The following YES1 variants were observed in gnomAD, a reference collection of about 807,000 sequenced individuals.
YES1 encodes tyrosine-protein kinase Yes.
In YES1, 39 loss-of-function variants were observed where a neutral mutation model predicts 70.4. The observed-to-expected ratio is 0.55, with a 90% CI of 0.43 to 0.72. The LOEUF (loss-of-function observed/expected upper bound fraction) is 0.72. Ranked by LOEUF, YES1 falls within the 30% of genes least tolerant of loss-of-function variation. YES1 has a pLI of 0.00. For synonymous variants in YES1, 198 were observed against 218.6 expected (o/e 0.91, Z 0.83); for missense variants, 495 against 644.8 (o/e 0.77, Z 2.52).
In YES1 at chr18:722,699, CT is replaced by C. The variant is rs1281117256; in HGVS notation, c.*1724del. 1 of 152,140 alleles carries C rather than the reference CT, an allele frequency of 6.6e-6. No individual in the cohort carries two copies. Among genetic ancestry groups the C allele is most frequent in the African/African-American group, 2.4e-5 (1 of 41,416 alleles). 9.4% of individuals were successfully genotyped at this position (152,140 alleles called of 1,614,324 possible). A position where few individuals can be genotyped will look rare whatever the true frequency, so the allele number is the denominator to read the frequency against. On this transcript the variant is annotated 3_prime_UTR_variant, in exon 12 of 12. Transcript: ENST00000314574. ...TGCACTTTAGGGTAAAAACTGTCCC[CT>C]TTTCACCACCGTTAATATTCAGAAT...
At chr18:778,185 C>T (rs541049266) in intron 1 of YES1, among the ~76,000 whole-genome samples, 11 of 152,290 alleles carry the variant, frequency 7.2e-5, no homozygotes, top group African/African-American at 2.6e-4. Context: ...GGACAGGGGG[C>T]TAAAAGTAGG....
intron 1 of YES1, among the ~76,000 whole-genome samples, chr18:811,830 G>A (rs1463992974): frequency 6.6e-6 from 1 of 152,126 alleles, no homozygotes; most frequent in Non-Finnish European, 1.5e-5. Flanking sequence ...CAAGGGGTGG[G>A]GAGTGTCCCC....
At chr18:795,800 T>A (rs1157062399) in intron 1 of YES1, among the ~76,000 whole-genome samples, 4 of 151,706 alleles carry the variant, frequency 2.6e-5, no homozygotes, top group Non-Finnish European at 2.9e-5. Context: ...AAATACCTAA[T>A]GCATGCGGGG....
chr18:811,958 G>C (rs1228926677), intron 1 of YES1, among the ~76,000 whole-genome samples, 156 bp downstream of exon 1: 3 of 152,142 alleles, frequency 2.0e-5, no homozygotes, highest in Admixed American at 2.0e-4. Flanking sequence ...CGGGCGATCC[G>C]GGGGAGGGGA....
At chr18:744,383 G>A (rs1041951872) in intron 6 of YES1, among the ~76,000 whole-genome samples, 4 of 142,612 alleles carry the variant, frequency 2.8e-5, no homozygotes, top group African/African-American at 1.1e-4. Flanking sequence ...GGATCATTTA[G>A]GAGATTTTTT....
chr18:741,997 A>C (rs1298495948), intron 8 of YES1, among the ~76,000 whole-genome samples: 1 of 152,188 alleles, frequency 6.6e-6, no homozygotes, highest in Non-Finnish European at 1.5e-5. Context: ...TTCCTACAGC[A>C]AATATGTAAC....
chr18:753,526 G>A (rs2080368673), intron 2 of YES1, among the ~76,000 whole-genome samples: 1 of 152,014 alleles, frequency 6.6e-6, no homozygotes, highest in Non-Finnish European at 1.5e-5. Flanking sequence ...TTGCTCTGTT[G>A]CCCAGGCTAG....
chr18:790,525 A>C (rs1906192470), intron 1 of YES1, among the ~76,000 whole-genome samples: 1 of 152,250 alleles, frequency 6.6e-6, no homozygotes, highest in Non-Finnish European at 1.5e-5. Flanking sequence ...AACATCAATG[A>C]AACAGATAAA....
chr18:757,059 C>T lies in YES1; in HGVS notation c.-8-224G>A, dbSNP rs543903506. 5.9e-5 allele frequency among the ~76,000 whole-genome samples: 9 copies of T among 152,316 alleles called. No individual in the cohort carries two copies. The East Asian group carries it at 1.2e-3, about 20-fold the overall frequency. ...ATCGCTTCATTCTCCAACTCAATCA[C>T]CTTTAATAGTCCAATGACAACATGC... On this transcript the variant is annotated intron_variant, in intron 1 of 11. Transcript: ENST00000314574.
Position 745,644 on chromosome 18 carries a change from T to C in YES1, c.724+64A>G, listed in dbSNP as rs2080270640. The C allele has an allele frequency of 2.1e-6, 3 of 1,416,940 alleles. No individual in the cohort carries two copies. In the Admixed American group the frequency reaches 6.4e-5, roughly 30 times the overall value. 87.8% of individuals were successfully genotyped at this position (1,416,940 alleles called of 1,614,324 possible). A position where few individuals can be genotyped will look rare whatever the true frequency, so the allele number is the denominator to read the frequency against. On this transcript the variant is annotated intron_variant, in intron 6 of 11. Transcript: ENST00000314574. The stretch of plus-strand genomic sequence containing the variant: ...TTAAATCTTAAGAGAAATGAGGATA[T>C]GGATTTTGTCCTCATAAACTAGAAT...
At chr18:802,889 C>T (rs1906897955) in intron 1 of YES1, among the ~76,000 whole-genome samples, 1 of 152,004 alleles carries the variant, frequency 6.6e-6, no homozygotes, top group Non-Finnish European at 1.5e-5. Flanking sequence ...TCGAGACAGC[C>T]TGGGCAACAA....
intron 1 of YES1, among the ~76,000 whole-genome samples, chr18:765,291 T>TATATATA (rs1904844567): frequency 7.6e-6 from 1 of 131,026 alleles, no homozygotes; most frequent in African/African-American, 2.8e-5. Flanking sequence ...TATATATATA[T>TATATATA]ATCTGTAGCA....
chr18:736,784 G>A (rs761617938), intron 10 of YES1, 24 bp downstream of exon 10: 3 of 1,605,490 alleles, frequency 1.9e-6, no homozygotes, highest in Non-Finnish European at 2.5e-6. Context: ...CACATTACAA[G>A]CTTTTATGTA....
chr18:798,662 A>G (rs1906663576), intron 1 of YES1, among the ~76,000 whole-genome samples: 1 of 152,170 alleles, frequency 6.6e-6, no homozygotes, highest in African/African-American at 2.4e-5. Context: ...GTAGATGGAC[A>G]TATAATACTT....
intron 11 of YES1, 38 bp from the exon 12 acceptor site, chr18:724,670 C>G (rs1211670756): frequency 1.3e-6 from 2 of 1,547,060 alleles, no homozygotes; most frequent in Admixed American, 3.4e-5. Flanking sequence ...AACAATGGTC[C>G]TAACTACCAC....
chr18:737,321 C>A, intron 9 of YES1: 1 of 161,002 alleles, frequency 6.2e-6, no homozygotes, highest in East Asian at 1.8e-4. Context: ...GGTGTGGTGG[C>A]ACATACCTGT....
chr18:769,803 T>C (rs1905076311), intron 1 of YES1, among the ~76,000 whole-genome samples: 1 of 152,210 alleles, frequency 6.6e-6, no homozygotes, highest in Non-Finnish European at 1.5e-5. Flanking sequence ...TACCCTTTTA[T>C]ATATTCCTGA....
At position 751,563 on chromosome 18, in the gene YES1, T is replaced by C. The variant is rs575372127; in HGVS notation, c.371+142A>G. On this transcript the variant is annotated intron_variant, in intron 3 of 11. Transcript: ENST00000314574. The stretch of plus-strand genomic sequence containing the variant: ...GCAGCAGTGTTGCAACATGCATCTA[T>C]AGAAGCCAATGCATCGTTAAACACA... 7.5e-5 allele frequency: 45 copies of C among 598,622 alleles called. 1 individual carries two copies. The highest frequency in any genetic ancestry group is 2.7e-4 in the South Asian group (13 of 47,696). 37.1% of individuals were successfully genotyped at this position (598,622 alleles called of 1,614,324 possible).
In YES1 at chr18:794,242, T is replaced by C. The variant is rs1172160330; in HGVS notation, c.-9+17872A>G. On this transcript the variant is annotated intron_variant, in intron 1 of 11. Transcript: ENST00000314574. ...TGTACTCTGAAGAACATAATAGCCT[T>C]TAAGTGGTACTCCTGCCTCAAATTC... Among the ~76,000 whole-genome samples the C allele has an allele frequency of 2.0e-5, 3 of 152,256 alleles. No individual in the cohort carries two copies. In the East Asian group the frequency reaches 5.8e-4, roughly 29 times the overall value.
Sources: gnomAD v4.1 joint callset for allele counts (sites outside exome capture counted in the v4.1 genomes callset) on GRCh38, gnomAD v4.1.1 for gene constraint, MANE v1.5 for transcripts, NCBI Gene and HGNC (gene_info 2026-07-23, HGNC 2026-07-21) for gene names.